MTMR2: variants seen among roughly 807,000 people sequenced by gnomAD.
MTMR2 encodes phosphatidylinositol-3,5-bisphosphate 3-phosphatase MTMR2.
A neutral mutation model predicts 86.9 loss-of-function variants in MTMR2; 55 were observed. That is an observed-to-expected ratio of 0.63 (90% CI 0.51 to 0.79). The LOEUF (loss-of-function observed/expected upper bound fraction) is 0.79. Among genes scored for constraint, MTMR2 ranks in the 30% least tolerant of loss-of-function variants. The pLI, the probability that MTMR2 is intolerant of heterozygous loss-of-function variation, is 0.00. For synonymous variants in MTMR2, 241 were observed against 266.8 expected (o/e 0.90, Z 0.94); for missense variants, 659 against 772.3 (o/e 0.85, Z 1.74).
At chr11:95,848,621 G>A (rs1226718613) in intron 9 of MTMR2, among the ~76,000 whole-genome samples, 5 of 152,050 alleles carry the variant, frequency 3.3e-5, no homozygotes, top group African/African-American at 4.8e-5. Context: ...CCTAACTCGT[G>A]TAAAATTATA....
At chr11:95,867,266 A>G (rs1864650031) in intron 2 of MTMR2, among the ~76,000 whole-genome samples, 1 of 152,194 alleles carries the variant, frequency 6.6e-6, no homozygotes, top group South Asian at 2.1e-4. Flanking sequence ...CCCATATTGC[A>G]TATGTATACC....
chr11:95,879,528 T>C (rs528228106), intron 2 of MTMR2, among the ~76,000 whole-genome samples: 2 of 152,352 alleles, frequency 1.3e-5, no homozygotes, highest in East Asian at 1.9e-4. Flanking sequence ...CTTGGAATTA[T>C]TCCAGTAGCC....
chr11:95,910,127 GCACACACA>G (rs71040121), intron 1 of MTMR2, among the ~76,000 whole-genome samples: 3 of 147,190 alleles, frequency 2.0e-5, no homozygotes, highest in African/African-American at 7.6e-5. Flanking sequence ...ACGCATGCAC[GCACACACA>G]CACACACACA....
chr11:95,884,660 T>G (rs888492370), intron 2 of MTMR2, among the ~76,000 whole-genome samples: 5 of 152,180 alleles, frequency 3.3e-5, no homozygotes, highest in Non-Finnish European at 7.4e-5. Flanking sequence ...TAGACTTTTT[T>G]TAATTGTTAG....
chr11:95,836,404 T>A, intron 13 of MTMR2, 80 bp from the exon 14 acceptor site: 1 of 1,323,832 alleles, frequency 7.6e-7, no homozygotes. Flanking sequence ...AAGAAGTACT[T>A]TGTTGTCATT....
chr11:95,918,573 G>A (rs1342101882), intron 1 of MTMR2, among the ~76,000 whole-genome samples: 3 of 152,118 alleles, frequency 2.0e-5, no homozygotes, highest in South Asian at 4.1e-4. Context: ...ATCTTTGAGG[G>A]TTTTTAAGTA....
intron 2 of MTMR2, among the ~76,000 whole-genome samples, chr11:95,873,907 G>C (rs1864993831): frequency 6.6e-6 from 1 of 152,192 alleles, no homozygotes. Context: ...GAGTGGTTTT[G>C]AGTGAGTTTC....
chr11:95,847,543 C>A (rs1175219626), intron 10 of MTMR2, among the ~76,000 whole-genome samples, 171 bp downstream of exon 10: 1 of 152,122 alleles, frequency 6.6e-6, no homozygotes, highest in East Asian at 1.9e-4. Flanking sequence ...ATATAAAAAA[C>A]CAATTCATTC....
At chr11:95,864,816 T>C (rs1181217597) in intron 3 of MTMR2, among the ~76,000 whole-genome samples, 2 of 152,118 alleles carry the variant, frequency 1.3e-5, no homozygotes, top group African/African-American at 2.4e-5. Context: ...TTTTTACACA[T>C]AGAAATGACA....
Position 95,888,050 on chromosome 11 carries a change from G to A in MTMR2, c.186+106C>T, listed in dbSNP as rs540049342. On this transcript the variant is annotated intron_variant, in intron 2 of 14. Coordinates refer to ENST00000346299, the MANE Select transcript of MTMR2 (RefSeq NM_016156.6). ...GGATATTTTGTAGACCGGGATCTATGAGAATACTCCATCAGTATCTCCTGC... is the reference window on the plus strand; with the variant it reads ...GGATATTTTGTAGACCGGGATCTATAAGAATACTCCATCAGTATCTCCTGC... The A allele has an allele frequency of 2.1e-4, 179 of 839,970 alleles. 1 individual carries two copies. The African/African-American group carries it at 2.8e-3, about 13-fold the overall frequency. The allele number at this position is 839,970 out of a possible 1,614,324, so 52.0% of individuals were successfully genotyped here.
chr11:95,837,845 T>G (rs1863353544), intron 13 of MTMR2, among the ~76,000 whole-genome samples: 1 of 152,066 alleles, frequency 6.6e-6, no homozygotes, highest in Non-Finnish European at 1.5e-5. Flanking sequence ...ACTTCAGTTC[T>G]CTTTAGCAGA....
intron 3 of MTMR2, among the ~76,000 whole-genome samples, chr11:95,864,473 G>C (rs1864535296): frequency 6.6e-6 from 1 of 152,104 alleles, no homozygotes; most frequent in Non-Finnish European, 1.5e-5. Flanking sequence ...TTATTAGCTA[G>C]GTTATCTTCC....
intron 1 of MTMR2, among the ~76,000 whole-genome samples, chr11:95,921,151 TAACA>T (rs1866906708): frequency 1.3e-5 from 2 of 152,238 alleles, no homozygotes; most frequent in African/African-American, 4.8e-5. Context: ...TACCACTTAC[TAACA>T]AACAAGGAGC....
Position 95,924,088 on chromosome 11 carries a change from G to A in MTMR2, c.-134C>T, listed in dbSNP as rs1867051215. On this transcript the variant is annotated 5_prime_UTR_variant, in exon 1 of 15. Coordinates refer to ENST00000346299, the MANE Select transcript of MTMR2 (RefSeq NM_016156.6). ...CGGCCCGGGAGGGAGACCGGAAGCGGCCATGTTCCCCCAGAGTGCACCGCG... is the reference window on the plus strand; with the variant it reads ...CGGCCCGGGAGGGAGACCGGAAGCGACCATGTTCCCCCAGAGTGCACCGCG... The A allele has an allele frequency of 5.9e-6, 7 of 1,188,500 alleles. No homozygotes were observed. Among genetic ancestry groups the A allele is most frequent in the Non-Finnish European group, 8.5e-6 (7 of 824,376 alleles). The allele number at this position is 1,188,500 out of a possible 1,614,324, so 73.6% of individuals were successfully genotyped here.
intron 1 of MTMR2, among the ~76,000 whole-genome samples, chr11:95,901,197 CCTT>C (rs750045668): frequency 6.6e-6 from 1 of 152,080 alleles, no homozygotes; most frequent in African/African-American, 2.4e-5. Flanking sequence ...TGATTTTCAA[CCTT>C]CTATCTTTAA....
intron 11 of MTMR2, among the ~76,000 whole-genome samples, chr11:95,843,927 A>G (rs1173774991): frequency 6.6e-6 from 1 of 152,204 alleles, no homozygotes; most frequent in Non-Finnish European, 1.5e-5. Flanking sequence ...CATAATTGTT[A>G]ACAATGTAAA....
intron 12 of MTMR2, among the ~76,000 whole-genome samples, chr11:95,838,880 A>T (rs113890840): frequency 2.0e-3 from 302 of 152,160 alleles, no homozygotes; most frequent in African/African-American, 6.7e-3. Context: ...GGACTAATCA[A>T]ATGAAAAATT....
In MTMR2 at chr11:95,858,608, G is replaced by A. The variant is rs1358578773; in HGVS notation, c.493C>T (p.His165Tyr). ...CTTCTTGTCCGCCCCTCAGGTTTAT[G>A]AGCAAATCGTAAATTCCTAATATCC... ...CKDIRNLRFAHKPEGRTRRSI... is the reference protein window; with the variant it reads ...CKDIRNLRFAYKPEGRTRRSI... The change falls in exon 6 of 15, where the codon CAT (histidine) becomes TAT (tyrosine). Residue 165 changes from histidine (H) to tyrosine (Y), a missense_variant. By Grantham distance (83) the His-to-Tyr change is moderately conservative. Around this residue, in one of 3 missense-constraint regions of MTMR2, gnomAD observed 387 missense variants for 526.3 expected, o/e 0.74. Coordinates refer to ENST00000346299, the MANE Select transcript of MTMR2 (RefSeq NM_016156.6). 1.9e-6 allele frequency: 3 copies of A among 1,611,484 alleles called. No homozygotes were observed. The highest frequency in any genetic ancestry group is 1.1e-5 in the South Asian group (1 of 91,004).
intron 1 of MTMR2, among the ~76,000 whole-genome samples, chr11:95,907,548 G>A (rs1376166060): frequency 6.6e-6 from 1 of 152,066 alleles, no homozygotes; most frequent in Admixed American, 6.6e-5. Context: ...AAGCCTGGCA[G>A]ACAGACAACG....
Sources: gnomAD v4.1 joint callset for allele counts (sites outside exome capture counted in the v4.1 genomes callset) on GRCh38, gnomAD v4.1.1 for gene constraint, gnomAD v4.1.1 regional missense constraint, MANE v1.5 for transcripts, NCBI Gene and HGNC (gene_info 2026-07-23, HGNC 2026-07-21) for gene names.